The following NUP205 variants were observed in gnomAD, a reference collection of about 807,000 sequenced individuals.
NUP205 encodes nuclear pore complex protein Nup205.
Under a neutral mutation model 253.8 loss-of-function variants are expected in NUP205, and 76 were observed. The observed-to-expected ratio is 0.30, with a 90% CI of 0.25 to 0.36. The LOEUF is 0.36. Among genes scored for constraint, NUP205 ranks in the 10% least tolerant of loss-of-function variants. NUP205 has a pLI of 1.00. For missense variants in NUP205, 2,162 were observed against 2,425.5 expected (o/e 0.89, Z 2.28); for synonymous variants, 832 against 850.1 (o/e 0.98, Z 0.37).
rs529744293 is a variant in NUP205, at chr7:135,630,318, A to G, written c.4933-26A>G. The G allele has an allele frequency of 6.2e-5, 94 of 1,516,472 alleles. 1 individual carries two copies. The highest frequency in any genetic ancestry group is 9.3e-5 in the Admixed American group (4 of 43,004). The allele number at this position is 1,516,472 out of a possible 1,614,324, so 93.9% of individuals were successfully genotyped here. ...TTTTCTACTTCTACCTGTTTTTTCT[A>G]TTCCTCTTCCTTTTCAATGGCTTAG... is the stretch of plus-strand genomic sequence containing the variant. On this transcript the variant is annotated intron_variant, in intron 34 of 42. Transcript: ENST00000285968.
chr7:135,578,446 AT>A (rs1314416852), intron 6 of NUP205, among the ~76,000 whole-genome samples: 2 of 152,194 alleles, frequency 1.3e-5, no homozygotes, highest in Non-Finnish European at 2.9e-5. Flanking sequence ...CATGATTTCT[AT>A]TTTAGAATTT....
chr7:135,562,532 A>G (rs887735284), intron 1 of NUP205, among the ~76,000 whole-genome samples: 3 of 147,866 alleles, frequency 2.0e-5, no homozygotes, highest in Non-Finnish European at 3.0e-5. Flanking sequence ...CTTTTAGAGT[A>G]AAGACCAAAA....
chr7:135,568,344 T>C (rs1345877646), intron 1 of NUP205, among the ~76,000 whole-genome samples: 1 of 151,552 alleles, frequency 6.6e-6, no homozygotes, highest in Non-Finnish European at 1.5e-5. Flanking sequence ...TTATTGTTGT[T>C]GTTGTTGAGA....
intron 19 of NUP205, among the ~76,000 whole-genome samples, chr7:135,605,834 A>C (rs1794075072): frequency 6.6e-6 from 1 of 151,334 alleles, no homozygotes; most frequent in Admixed American, 6.6e-5. Context: ...TGAAGAGGTC[A>C]GTAAACAGCA....
intron 1 of NUP205, among the ~76,000 whole-genome samples, chr7:135,569,218 G>A (rs983668784): frequency 2.0e-5 from 3 of 152,054 alleles, no homozygotes; most frequent in Non-Finnish European, 2.9e-5. Flanking sequence ...TTACAGGCGC[G>A]TGCCACCACG....
chr7:135,584,703 AT>A, intron 7 of NUP205, 128 bp from the exon 8 acceptor site: 1 of 770,528 alleles, frequency 1.3e-6, no homozygotes, highest in Non-Finnish European at 2.2e-6. Flanking sequence ...ATATAGTCTC[AT>A]TTTGTGCATA....
intron 41 of NUP205, 86 bp from the exon 42 acceptor site, chr7:135,646,072 G>T: frequency 1.2e-6 from 1 of 864,616 alleles, no homozygotes; most frequent in Non-Finnish European, 2.0e-6. Context: ...TGGTGCTATT[G>T]TTATTATTCA....
At position 135,591,533 on chromosome 7, in the gene NUP205, A is replaced by G; in HGVS notation, c.1557A>G (p.Gly519=). The G allele has an allele frequency of 6.2e-7, 1 of 1,614,036 alleles. No individual in the cohort carries two copies. The highest frequency in any genetic ancestry group is 8.5e-7 in the Non-Finnish European group (1 of 1,179,924). Residue 519 remains glycine, a synonymous_variant, in exon 11 of 43, where the codon GGA becomes GGG. Transcript: ENST00000285968. The part of the protein sequence containing the change: ...IYIPYLKMLQ[G]LANGPQCAHY... ...TTCCTTATTTGAAGATGCTCCAGGG[A>G]TTGGCCAATGGGCCTCAGTGTGCCC...
intron 30 of NUP205, among the ~76,000 whole-genome samples, chr7:135,620,716 T>G (rs961700226): frequency 2.0e-5 from 3 of 152,226 alleles, no homozygotes; most frequent in Non-Finnish European, 4.4e-5. Context: ...TGTAAAAGTA[T>G]GTACTTTTAT....
chr7:135,619,768 G>T, intron 29 of NUP205, 22 bp from the exon 30 acceptor site: 2 of 1,596,900 alleles, frequency 1.3e-6, no homozygotes, highest in South Asian at 2.3e-5. Context: ...ATTTTCATTT[G>T]ACATCTTCCT....
chr7:135,580,693 G>A (rs1202539078), intron 7 of NUP205, among the ~76,000 whole-genome samples: 1 of 152,116 alleles, frequency 6.6e-6, no homozygotes, highest in African/African-American at 2.4e-5. Flanking sequence ...GAACTCCGGA[G>A]CTCAGGCAAT....
chr7:135,645,396 C>T, intron 40 of NUP205, 72 bp from the exon 41 acceptor site: 1 of 1,501,980 alleles, frequency 6.7e-7, no homozygotes, highest in South Asian at 1.2e-5. Context: ...GTCCTTTTTT[C>T]TTCTCCTCCG....
At chr7:135,596,420 G>A (rs999756103) in intron 13 of NUP205, among the ~76,000 whole-genome samples, 2 of 152,154 alleles carry the variant, frequency 1.3e-5, no homozygotes, top group Non-Finnish European at 2.9e-5. Context: ...GTGTCTTACG[G>A]GCTTAGTGCT....
intron 8 of NUP205, among the ~76,000 whole-genome samples, chr7:135,585,560 T>G (rs2129490076): frequency 6.6e-6 from 1 of 152,216 alleles, no homozygotes; most frequent in South Asian, 2.1e-4. Context: ...TTTAGATTTT[T>G]TTTTTTTTTG....
intron 40 of NUP205, among the ~76,000 whole-genome samples, 197 bp downstream of exon 40, chr7:135,645,215 A>C (rs1414153006): frequency 6.6e-6 from 1 of 152,206 alleles, no homozygotes; most frequent in Non-Finnish European, 1.5e-5. Flanking sequence ...GATAAAATAC[A>C]TGGGCACTTT....
rs1243695100 is a variant in NUP205 at position 135,617,260 on chromosome 7, T to A, written c.3690+13T>A. On this transcript the variant is annotated intron_variant, in intron 26 of 42. Transcript: ENST00000285968. ...CTGCAATGTCAAGGTGAGGATTGCT[T>A]TAAAGTACATATCTGCAGTGTCAAG... 1.9e-6 allele frequency: 3 copies of A among 1,611,280 alleles called. No individual in the cohort carries two copies. The East Asian group carries it at 6.7e-5, about 36-fold the overall frequency.
At position 135,637,015 on chromosome 7, in the gene NUP205, T is replaced by G. The variant is rs554380085; in HGVS notation, c.5137-916T>G. The stretch of plus-strand genomic sequence containing the variant: ...AGTGAGAGACTGTCTCCAAAATAAA[T>G]AAATAAAATAATAAGACAGTGTGTA... On this transcript the variant is annotated intron_variant, in intron 36 of 42. Transcript: ENST00000285968. 7.2e-5 allele frequency among the ~76,000 whole-genome samples: 11 copies of G among 152,232 alleles called. 1 individual carries two copies. In the South Asian group the frequency reaches 2.1e-3, roughly 29 times the overall value.
chr7:135,564,760 T>A (rs1003085202), intron 1 of NUP205, among the ~76,000 whole-genome samples: 3 of 151,614 alleles, frequency 2.0e-5, no homozygotes, highest in Non-Finnish European at 2.9e-5. Context: ...TTTTTATTGT[T>A]GAGTTTTTTT....
chr7:135,597,627 T>C (rs1267490615), intron 14 of NUP205: 4 of 472,674 alleles, frequency 8.5e-6, no homozygotes, highest in Non-Finnish European at 1.5e-5. Flanking sequence ...GAAAAAGATG[T>C]TACATGGCAA....
Sources: gnomAD v4.1 joint callset for allele counts (sites outside exome capture counted in the v4.1 genomes callset) on GRCh38, gnomAD v4.1.1 for gene constraint, MANE v1.5 for transcripts, NCBI Gene and HGNC (gene_info 2026-07-23, HGNC 2026-07-21) for gene names.